XKR4: variants seen among roughly 807,000 people sequenced by gnomAD.
XKR4 encodes the protein XK related 4, also known as XK-related protein 4.
Under a neutral mutation model 53.9 loss-of-function variants are expected in XKR4, and 12 were observed. That is an observed-to-expected ratio of 0.22 (90% CI 0.14 to 0.36). The LOEUF (loss-of-function observed/expected upper bound fraction) is 0.36, where lower values mean the gene tolerates loss of function less well. Among genes scored for constraint, XKR4 ranks in the 10% least tolerant of loss-of-function variants. The pLI, the probability that XKR4 is intolerant of heterozygous loss-of-function variation, is 1.00. For synonymous variants in XKR4, 354 were observed against 362.4 expected (o/e 0.98, Z 0.26); for missense variants, 799 against 859.5 (o/e 0.93, Z 0.88).
intron 1 of XKR4, among the ~76,000 whole-genome samples, chr8:55,153,970 A>G (rs571796398): frequency 6.6e-6 from 1 of 152,354 alleles, no homozygotes; most frequent in South Asian, 2.1e-4. Context: ...CAGGAAAAGT[A>G]AACACATTGA....
intron 2 of XKR4, among the ~76,000 whole-genome samples, chr8:55,473,617 G>C (rs1432053957): frequency 6.6e-6 from 1 of 152,092 alleles, no homozygotes; most frequent in African/African-American, 2.4e-5. Flanking sequence ...AAGTGTGCCA[G>C]TTTCTCAGAG....
chr8:55,185,527 T>C (rs952033307), intron 1 of XKR4, among the ~76,000 whole-genome samples: 3 of 152,224 alleles, frequency 2.0e-5, no homozygotes, highest in African/African-American at 7.2e-5. Flanking sequence ...AAGGCCTTCT[T>C]GCTAGCATAC....
rs534995608 is a variant in XKR4 at position 55,446,705 on chromosome 8, A to G, written c.1007-76576A>G. ...AGTTCCATTGCGACCAGCTTGCCCA[A>G]TAAAGTTTAGGGGACAGTGGCTTTA... is the stretch of plus-strand genomic sequence containing the variant. On this transcript the variant is annotated intron_variant, in intron 2 of 2. Coordinates refer to ENST00000327381, the MANE Select transcript of XKR4 (RefSeq NM_052898.2). 1.2e-4 allele frequency among the ~76,000 whole-genome samples: 18 copies of G among 152,328 alleles called. No homozygotes were observed. The East Asian group carries it at 2.9e-3, about 24-fold the overall frequency.
intron 1 of XKR4, among the ~76,000 whole-genome samples, chr8:55,167,213 A>T (rs1265854258): frequency 1.3e-5 from 2 of 152,194 alleles, no homozygotes; most frequent in Non-Finnish European, 2.9e-5. Flanking sequence ...TCTGGAAAGG[A>T]TGAGTTTTTT....
intron 2 of XKR4, among the ~76,000 whole-genome samples, chr8:55,466,999 G>C (rs1430833066): frequency 6.6e-6 from 1 of 152,146 alleles, no homozygotes; most frequent in Admixed American, 6.5e-5. Flanking sequence ...CTGTGGGTCA[G>C]GGACCTAGTC....
chr8:55,103,338 T>C lies in XKR4; in HGVS notation c.806+44T>C, dbSNP rs1424444778. The C allele has an allele frequency of 1.9e-6, 3 of 1,550,238 alleles. No homozygotes were observed. In the East Asian group the frequency reaches 6.8e-5, roughly 35 times the overall value. ...GAAAAGGGAGGCTTGCTGCTGCTACTACATCCCCACTGCTTTGCTTTTGCA... is the reference window on the plus strand; with the variant it reads ...GAAAAGGGAGGCTTGCTGCTGCTACCACATCCCCACTGCTTTGCTTTTGCA... On this transcript the variant is annotated intron_variant, in intron 1 of 2. Coordinates refer to ENST00000327381, the MANE Select transcript of XKR4 (RefSeq NM_052898.2).
intron 2 of XKR4, among the ~76,000 whole-genome samples, chr8:55,494,328 T>G (rs895616377): frequency 3.3e-5 from 5 of 152,240 alleles, no homozygotes; most frequent in Non-Finnish European, 7.3e-5. Flanking sequence ...CAGCCCTGGC[T>G]TGGGGAGTTC....
At chr8:55,145,797 A>T (rs184921180) in intron 1 of XKR4, among the ~76,000 whole-genome samples, 40 of 152,320 alleles carry the variant, frequency 2.6e-4, no homozygotes, top group Non-Finnish European at 4.7e-4. Context: ...ACATCTTTTC[A>T]TCTCATAAAT....
intron 1 of XKR4, among the ~76,000 whole-genome samples, chr8:55,185,198 G>A (rs1441823916): frequency 6.6e-6 from 1 of 152,156 alleles, no homozygotes; most frequent in African/African-American, 2.4e-5. Flanking sequence ...TATTGCTTGA[G>A]GCAATCTCAT....
At chr8:55,418,450 G>T (rs894888552) in intron 2 of XKR4, among the ~76,000 whole-genome samples, 6 of 152,118 alleles carry the variant, frequency 3.9e-5, no homozygotes, top group Non-Finnish European at 7.3e-5. Context: ...AGCAAATCCT[G>T]CTGGTTTTAA....
intron 2 of XKR4, among the ~76,000 whole-genome samples, chr8:55,370,830 C>T (rs1010920835): frequency 3.3e-5 from 5 of 152,068 alleles, no homozygotes; most frequent in African/African-American, 1.2e-4. Context: ...CACATTCCTT[C>T]CCAACACAGT....
intron 1 of XKR4, among the ~76,000 whole-genome samples, chr8:55,123,034 T>C (rs1233438388): frequency 6.6e-6 from 1 of 152,202 alleles, no homozygotes; most frequent in East Asian, 1.9e-4. Flanking sequence ...CCTAATACCT[T>C]CCACTTACTG....
chr8:55,285,482 C>A (rs926318399), intron 1 of XKR4, among the ~76,000 whole-genome samples: 1 of 151,684 alleles, frequency 6.6e-6, no homozygotes, highest in African/African-American at 2.4e-5. Context: ...GGTAGATATG[C>A]ATGACAGAGG....
intron 1 of XKR4, among the ~76,000 whole-genome samples, chr8:55,286,438 C>T (rs1239515237): frequency 6.6e-6 from 1 of 152,182 alleles, no homozygotes; most frequent in African/African-American, 2.4e-5. Context: ...GGCATTGTAC[C>T]AAGGGGCAGC....
At chr8:55,304,625 G>C (rs1389731041) in intron 1 of XKR4, among the ~76,000 whole-genome samples, 3 of 152,032 alleles carry the variant, frequency 2.0e-5, no homozygotes, top group African/African-American at 2.4e-5. Context: ...TTATTGTGTG[G>C]GAGTCTAAGT....
chr8:55,451,179 G>T, intron 2 of XKR4: 2 of 554,346 alleles, frequency 3.6e-6, no homozygotes, highest in African/African-American at 1.9e-5. Flanking sequence ...ACACCCGTTG[G>T]CCTGGGGTGG....
At position 55,139,945 on chromosome 8, in the gene XKR4, C is replaced by T. The variant is rs147065329; in HGVS notation, c.806+36651C>T. The T allele has an allele frequency of 4.7e-5, 10 of 214,260 alleles. No homozygotes were observed. The East Asian group carries it at 6.5e-4, about 14-fold the overall frequency. The allele number at this position is 214,260 out of a possible 1,614,324, so 13.3% of individuals were successfully genotyped here. A position where few individuals can be genotyped will look rare whatever the true frequency, so the allele number is the denominator to read the frequency against. On this transcript the variant is annotated intron_variant, in intron 1 of 2. Coordinates refer to ENST00000327381, the MANE Select transcript of XKR4 (RefSeq NM_052898.2). Reference sequence around the variant, plus strand: ...CATTAAGCACATATCCTTAATTTACCAAGTTTTATGTAATTAATATATTTA... The same window carrying T: ...CATTAAGCACATATCCTTAATTTACTAAGTTTTATGTAATTAATATATTTA...
chr8:55,373,259 G>A lies in XKR4; in HGVS notation c.1006+15382G>A, dbSNP rs868731913. Among the ~76,000 whole-genome samples, 16 of 152,218 alleles carry A rather than the reference G, an allele frequency of 1.1e-4. No homozygotes were observed. The Middle Eastern group carries it at 0.014, about 129-fold the overall frequency. On this transcript the variant is annotated intron_variant, in intron 2 of 2. Coordinates refer to ENST00000327381, the MANE Select transcript of XKR4 (RefSeq NM_052898.2). Reference sequence around the variant, plus strand: ...TTGGCTCACTGCACCCGCCACCTCCGGGGTTCAAGGGATTCTCCTGCCTCA... The same window carrying A: ...TTGGCTCACTGCACCCGCCACCTCCAGGGTTCAAGGGATTCTCCTGCCTCA...
At chr8:55,304,596 G>T (rs1002870614) in intron 1 of XKR4, among the ~76,000 whole-genome samples, 20 of 152,298 alleles carry the variant, frequency 1.3e-4, no homozygotes, top group Admixed American at 9.8e-4. Flanking sequence ...TGACAGTGGG[G>T]TGTTAAAGTC....
Sources: gnomAD v4.1 joint callset for allele counts (sites outside exome capture counted in the v4.1 genomes callset) on GRCh38, gnomAD v4.1.1 for gene constraint, MANE v1.5 for transcripts, NCBI Gene and HGNC (gene_info 2026-07-23, HGNC 2026-07-21) for gene names.